SPOCK1: variants seen among roughly 807,000 people sequenced by gnomAD.
SPOCK1 encodes testican-1.
A neutral mutation model predicts 55.3 loss-of-function variants in SPOCK1; 23 were observed. That is an observed-to-expected ratio of 0.42 (90% CI 0.30 to 0.59). The LOEUF (loss-of-function observed/expected upper bound fraction) is 0.59, where lower values mean the gene tolerates loss of function less well. SPOCK1 is among the 20% of genes least tolerant of loss of function. The pLI is 0.22. For synonymous variants in SPOCK1, 226 were observed against 221.0 expected (o/e 1.02, Z -0.20); for missense variants, 499 against 552.5 (o/e 0.90, Z 0.97).
intron 5 of SPOCK1, among the ~76,000 whole-genome samples, chr5:137,100,350 G>A (rs1753238598): frequency 6.6e-6 from 1 of 152,162 alleles, no homozygotes; most frequent in Admixed American, 6.5e-5. Context: ...CTTGTTTGGT[G>A]CCAGGGAGTT....
At chr5:137,450,507 T>A (rs1753232589) in intron 2 of SPOCK1, among the ~76,000 whole-genome samples, 1 of 152,140 alleles carries the variant, frequency 6.6e-6, no homozygotes, top group Non-Finnish European at 1.5e-5. Flanking sequence ...CAGGGCTGAC[T>A]TCATGGGTGT....
At chr5:137,230,147 C>T (rs1756023793) in intron 3 of SPOCK1, among the ~76,000 whole-genome samples, 1 of 152,240 alleles carries the variant, frequency 6.6e-6, no homozygotes, top group African/African-American at 2.4e-5. Context: ...AACAACCTAA[C>T]ATAAACTCAG....
At chr5:137,257,821 C>G (rs1184666107) in intron 3 of SPOCK1, among the ~76,000 whole-genome samples, 2 of 152,168 alleles carry the variant, frequency 1.3e-5, no homozygotes, top group Admixed American at 6.5e-5. Flanking sequence ...CCCAACTCTG[C>G]CAGCTTCTGT....
At chr5:137,238,898 T>C (rs1287814819) in intron 3 of SPOCK1, among the ~76,000 whole-genome samples, 2 of 152,212 alleles carry the variant, frequency 1.3e-5, no homozygotes, top group Non-Finnish European at 2.9e-5. Context: ...GTAAGAAATA[T>C]ACATTTGGTC....
intron 2 of SPOCK1, among the ~76,000 whole-genome samples, chr5:137,293,894 G>A (rs1580851144): frequency 1.3e-5 from 2 of 152,328 alleles, no homozygotes; most frequent in Middle Eastern, 3.4e-3. Context: ...GCATGCGCCT[G>A]TAGTCCCAGC....
At chr5:137,446,804 C>T (rs985996427) in intron 2 of SPOCK1, among the ~76,000 whole-genome samples, 1 of 152,150 alleles carries the variant, frequency 6.6e-6, no homozygotes, top group East Asian at 1.9e-4. Context: ...TTAAACTATA[C>T]CCCATTTCCC....
rs193105462 is a variant in SPOCK1 at position 137,192,029 on chromosome 5, G to A, written c.233-51335C>T. Reference sequence around the variant, plus strand: ...GTACGTGGATTGCCTAAGCTCAGGAGTTCAAGACCAGCCTAGTCAACACAG... The same window carrying A: ...GTACGTGGATTGCCTAAGCTCAGGAATTCAAGACCAGCCTAGTCAACACAG... On this transcript the variant is annotated intron_variant, in intron 3 of 10. Transcript: ENST00000394945. Among the ~76,000 whole-genome samples the A allele has an allele frequency of 2.5e-3, 375 of 152,002 alleles. 2 individuals are homozygous for A. The highest frequency in any genetic ancestry group is 8.8e-3 in the African/African-American group (366 of 41,448).
intron 5 of SPOCK1, among the ~76,000 whole-genome samples, chr5:137,107,517 G>A (rs1349095405): frequency 6.6e-6 from 1 of 152,154 alleles, no homozygotes; most frequent in Non-Finnish European, 1.5e-5. Context: ...ATGCTTTATA[G>A]TGTCTGAATA....
intron 2 of SPOCK1, among the ~76,000 whole-genome samples, chr5:137,482,004 T>G (rs1028869108): frequency 6.6e-6 from 1 of 152,196 alleles, no homozygotes; most frequent in South Asian, 2.1e-4. Context: ...CCCATACTCC[T>G]ACCCATGCCT....
At chr5:137,258,990 G>A (rs72794570) in intron 3 of SPOCK1, among the ~76,000 whole-genome samples, 32,804 of 152,028 alleles carry the variant, frequency 0.22, 3,885 homozygotes, top group Middle Eastern at 0.32. Context: ...GTGAGGAAAT[G>A]GAACCTACAC....
At chr5:137,039,751 A>AC (rs533374583) in intron 6 of SPOCK1, among the ~76,000 whole-genome samples, 4 of 152,330 alleles carry the variant, frequency 2.6e-5, no homozygotes, top group Admixed American at 2.0e-4. Context: ...CTAAGCCACC[A>AC]CATTGGGCAG....
chr5:136,992,654 T>C, intron 6 of SPOCK1, 54 bp from the exon 7 acceptor site: 1 of 1,414,812 alleles, frequency 7.1e-7, no homozygotes, highest in Non-Finnish European at 9.8e-7. Context: ...CTGCCTTCTG[T>C]GTGCAGGGCT....
chr5:137,280,510 T>C (rs10477792), intron 2 of SPOCK1, among the ~76,000 whole-genome samples: 21,483 of 152,304 alleles, frequency 0.14, 1,713 homozygotes, highest in Admixed American at 0.2. Flanking sequence ...AAGCTGCTTT[T>C]GCTTTTCTTT....
intron 2 of SPOCK1, among the ~76,000 whole-genome samples, chr5:137,368,598 A>G (rs1025205266): frequency 4.6e-5 from 7 of 152,146 alleles, no homozygotes; most frequent in African/African-American, 1.7e-4. Flanking sequence ...ACACAGCTTC[A>G]AGGCATCTTC....
intron 4 of SPOCK1, among the ~76,000 whole-genome samples, chr5:137,125,443 T>C (rs1580763728): frequency 6.6e-6 from 1 of 152,218 alleles, no homozygotes; most frequent in East Asian, 1.9e-4. Flanking sequence ...AATCTTAACC[T>C]CTAAGATGAT....
chr5:137,053,270 G>C (rs181439856), intron 6 of SPOCK1, among the ~76,000 whole-genome samples: 1 of 152,160 alleles, frequency 6.6e-6, no homozygotes, highest in Non-Finnish European at 1.5e-5. Context: ...AGTCAGTTGT[G>C]GTTATCACAG....
chr5:137,324,792 G>GA (rs11294825), intron 2 of SPOCK1, among the ~76,000 whole-genome samples: 92 of 140,668 alleles, frequency 6.5e-4, no homozygotes, highest in African/African-American at 1.5e-3. Context: ...CCACAATTAG[G>GA]AAAAAAAAAA....
chr5:137,484,789 T>C (rs1157582382), intron 2 of SPOCK1, among the ~76,000 whole-genome samples: 1 of 152,162 alleles, frequency 6.6e-6, no homozygotes, highest in African/African-American at 2.4e-5. Context: ...AAACAACCAA[T>C]TGCCTACCAT....
intron 6 of SPOCK1, among the ~76,000 whole-genome samples, chr5:137,043,914 T>C (rs952778833): frequency 6.6e-6 from 1 of 152,204 alleles, no homozygotes; most frequent in Non-Finnish European, 1.5e-5. Flanking sequence ...TATAATGTAT[T>C]GATATTTGTT....
Sources: gnomAD v4.1 joint callset for allele counts (sites outside exome capture counted in the v4.1 genomes callset) on GRCh38, gnomAD v4.1.1 for gene constraint, MANE v1.5 for transcripts, NCBI Gene and HGNC (gene_info 2026-07-23, HGNC 2026-07-21) for gene names.